GPC6: variants seen among roughly 807,000 people sequenced by gnomAD.
GPC6 encodes glypican-6.
GPC6 carries 14 observed loss-of-function variants against 55.2 expected under a neutral mutation model. That is an observed-to-expected ratio of 0.25 (90% CI 0.17 to 0.40). The LOEUF (loss-of-function observed/expected upper bound fraction) is 0.40. GPC6 is among the 10% of genes least tolerant of loss of function. GPC6 has a pLI of 1.00. For missense variants in GPC6, 641 were observed against 708.5 expected, an observed-to-expected ratio of 0.90 and a Z score of 1.08; for synonymous variants, 278 against 259.6, an observed-to-expected ratio of 1.07 and a Z score of -0.68.
At position 94,027,890 on chromosome 13, in the gene GPC6, T is replaced by C. The variant is rs1411778320; in HGVS notation, c.873T>C (p.Phe291=). 1.9e-6 allele frequency: 3 copies of C among 1,613,746 alleles called. No homozygotes were observed. The South Asian group carries it at 3.3e-5, about 18-fold the overall frequency. The part of the protein sequence containing the change: ...QADLDTEWNL[F]IDAMLLVAER... The stretch of plus-strand genomic sequence containing the variant: ...ACCTCGACACAGAGTGGAATCTGTT[T>C]ATAGGTAAGAAGTGTTTAAATGGAT... Residue 291 remains phenylalanine, a synonymous_variant, in exon 4 of 9, where the codon TTT becomes TTC. Transcript: ENST00000377047.
At chr13:94,365,831 C>T (rs1879264219) in intron 6 of GPC6, among the ~76,000 whole-genome samples, 2 of 152,128 alleles carry the variant, frequency 1.3e-5, no homozygotes, top group Admixed American at 6.5e-5. Flanking sequence ...CTGGTAAGTT[C>T]CAAATGTCTG....
chr13:93,976,630 T>A (rs1685914987), intron 3 of GPC6, among the ~76,000 whole-genome samples: 1 of 150,782 alleles, frequency 6.6e-6, no homozygotes. Context: ...GAGACTGCAA[T>A]TTAAGAAGCG....
intron 1 of GPC6, among the ~76,000 whole-genome samples, chr13:93,266,196 A>G (rs750292012): frequency 6.6e-6 from 1 of 152,246 alleles, no homozygotes; most frequent in Non-Finnish European, 1.5e-5. Context: ...CCAAAGCCTT[A>G]TTAATGCATT....
chr13:94,005,951 G>T (rs946686615), intron 3 of GPC6, among the ~76,000 whole-genome samples: 2 of 152,040 alleles, frequency 1.3e-5, no homozygotes, highest in Non-Finnish European at 2.9e-5. Context: ...ATTGTACTGA[G>T]TACTTTGATT....
In GPC6 at chr13:94,280,787, G is replaced by A. The variant is rs140779943; in HGVS notation, c.878-5562G>A. 4.9e-4 allele frequency among the ~76,000 whole-genome samples: 74 copies of A among 152,086 alleles called. No homozygotes were observed. In the East Asian group the frequency reaches 0.011, roughly 22 times the overall value. Reference sequence around the variant, plus strand: ...AGAGTAGGTGAGCATTGCTTCTAAAGAAAAGAGCAAAATTGGGTGCCATGG... The same window carrying A: ...AGAGTAGGTGAGCATTGCTTCTAAAAAAAAGAGCAAAATTGGGTGCCATGG... On this transcript the variant is annotated intron_variant, in intron 4 of 8. Coordinates refer to ENST00000377047, the MANE Select transcript of GPC6 (RefSeq NM_005708.5).
At chr13:93,770,638 C>T (rs1885260766) in intron 2 of GPC6, among the ~76,000 whole-genome samples, 1 of 152,142 alleles carries the variant, frequency 6.6e-6, no homozygotes, top group Non-Finnish European at 1.5e-5. Context: ...TTCTACCCAC[C>T]TTCTTTCTGG....
At chr13:93,753,621 A>G (rs1884672306) in intron 2 of GPC6, among the ~76,000 whole-genome samples, 1 of 152,154 alleles carries the variant, frequency 6.6e-6, no homozygotes, top group Non-Finnish European at 1.5e-5. Flanking sequence ...TTTAAAATGT[A>G]CAATTGAGTT....
chr13:93,545,643 AT>A (rs1874749348), intron 2 of GPC6, among the ~76,000 whole-genome samples: 1 of 151,214 alleles, frequency 6.6e-6, no homozygotes, highest in Non-Finnish European at 1.5e-5. Context: ...GCTGTTTTGC[AT>A]TTGTGCTTTG....
chr13:94,099,534 A>T (rs1219492145), intron 4 of GPC6, among the ~76,000 whole-genome samples: 3 of 152,190 alleles, frequency 2.0e-5, no homozygotes, highest in African/African-American at 7.2e-5. Flanking sequence ...TTCAGGTAAA[A>T]ATTACTTCCT....
At chr13:93,587,152 C>A (rs551197296) in intron 2 of GPC6, among the ~76,000 whole-genome samples, 1 of 151,870 alleles carries the variant, frequency 6.6e-6, no homozygotes, top group African/African-American at 2.4e-5. Context: ...CCTCTCTGGG[C>A]CTTCGTTTTT....
chr13:93,597,878 G>T (rs905745203), intron 2 of GPC6, among the ~76,000 whole-genome samples: 1 of 152,088 alleles, frequency 6.6e-6, no homozygotes, highest in African/African-American at 2.4e-5. Context: ...GGGCGCGGTG[G>T]CTCACACCTG....
At chr13:94,005,476 A>G (rs1881978571) in intron 3 of GPC6, among the ~76,000 whole-genome samples, 1 of 152,198 alleles carries the variant, frequency 6.6e-6, no homozygotes, top group South Asian at 2.1e-4. Context: ...TTTAAAAGGT[A>G]CAACACAGAG....
In GPC6 at chr13:93,471,846, C is replaced by G. The variant is rs144504539; in HGVS notation, c.161-73417C>G. 3.7e-3 allele frequency among the ~76,000 whole-genome samples: 557 copies of G among 152,242 alleles called. 5 individuals carry two copies. The highest frequency in any genetic ancestry group is 0.013 in the African/African-American group (528 of 41,528). On this transcript the variant is annotated intron_variant, in intron 1 of 8. Transcript: ENST00000377047. The stretch of plus-strand genomic sequence containing the variant: ...GATGCATGTGCATAGAATGTATATT[C>G]TGCTGTTGTTGGGCAGAGTAACCTA...
chr13:93,452,743 A>G (rs1005877064), intron 1 of GPC6, among the ~76,000 whole-genome samples: 6 of 152,238 alleles, frequency 3.9e-5, no homozygotes, highest in Non-Finnish European at 8.8e-5. Flanking sequence ...AACATGGATT[A>G]AAGTAGATAT....
intron 1 of GPC6, among the ~76,000 whole-genome samples, chr13:93,414,190 C>G (rs1876609878): frequency 1.3e-5 from 2 of 152,106 alleles, no homozygotes; most frequent in African/African-American, 4.8e-5. Flanking sequence ...GGTACTTCTG[C>G]TTTGTTCATG....
intron 3 of GPC6, among the ~76,000 whole-genome samples, chr13:93,902,779 T>C (rs1168487276): frequency 1.3e-5 from 2 of 152,224 alleles, no homozygotes; most frequent in African/African-American, 4.8e-5. Flanking sequence ...ATTTTGCTGA[T>C]GATTAGTGAT....
rs559012398 is a variant in GPC6 at position 93,227,290 on chromosome 13, G to A, written c.-167G>A. ...CATCTGGCTTATAAAAGTTTGCTGA[G>A]CGCAGTCCAGAGGGCTGCGCTGCTC... On this transcript the variant is annotated 5_prime_UTR_variant, in exon 1 of 9. Transcript: ENST00000377047. This position sits in a 1 kb window ranked among gnomAD's most constrained non-coding sequence, Gnocchi z 4.3. 8 of 601,058 alleles carry A rather than the reference G, an allele frequency of 1.3e-5. No individual in the cohort carries two copies. The highest frequency in any genetic ancestry group is 2.2e-5 in the South Asian group (1 of 45,096). 37.2% of individuals were successfully genotyped at this position (601,058 alleles called of 1,614,324 possible). A position where few individuals can be genotyped will look rare whatever the true frequency, so the allele number is the denominator to read the frequency against.
At chr13:93,824,329 G>T (rs1887159231) in intron 2 of GPC6, among the ~76,000 whole-genome samples, 2 of 152,222 alleles carry the variant, frequency 1.3e-5, no homozygotes. Flanking sequence ...GTGGAAGAAG[G>T]CTTTATGTGT....
chr13:93,998,648 ATAACTCT>A (rs1881660858), intron 3 of GPC6, among the ~76,000 whole-genome samples: 1 of 152,176 alleles, frequency 6.6e-6, no homozygotes, highest in South Asian at 2.1e-4. Context: ...TTACTATTGT[ATAACTCT>A]AGCTAGACTG....
Sources: gnomAD v4.1 joint callset for allele counts (sites outside exome capture counted in the v4.1 genomes callset) on GRCh38, gnomAD v4.1.1 for gene constraint, Gnocchi (gnomAD v3.1) non-coding constraint, MANE v1.5 for transcripts, NCBI Gene and HGNC (gene_info 2026-07-23, HGNC 2026-07-21) for gene names.